Variants in LGR6 observed in about 807,000 individuals in gnomAD.
LGR6 encodes the protein leucine-rich repeat-containing G protein-coupled receptor 6.
LGR6 carries 45 observed loss-of-function variants against 69.4 expected under a neutral mutation model. The ratio of observed to expected loss-of-function variants is 0.65; its 90% CI spans 0.51 to 0.83. LGR6 has a LOEUF of 0.83. Among genes scored for constraint, LGR6 ranks in the 40% least tolerant of loss-of-function variants. The probability of loss-of-function intolerance (pLI) is 0.00; values close to 1 mark genes in which losing one functional copy is unlikely to be tolerated. For missense variants in LGR6, 1,108 were observed against 1,246.7 expected, an observed-to-expected ratio of 0.89 and a Z score of 1.68; for synonymous variants, 538 against 555.0, an observed-to-expected ratio of 0.97 and a Z score of 0.43.
chr1:202,205,101 TCCAAACAAACACACAC>T, intron 1 of LGR6, among the ~76,000 whole-genome samples: 1 of 29,360 alleles, frequency 3.4e-5, no homozygotes, highest in Non-Finnish European at 6.2e-5. Flanking sequence ...CACACGTACC[TCCAAACAAACACACAC>T]CTAACACACC....
chr1:202,287,820 C>T (rs1487176011), intron 6 of LGR6, among the ~76,000 whole-genome samples: 2 of 152,224 alleles, frequency 1.3e-5, no homozygotes, highest in Non-Finnish European at 2.9e-5. Flanking sequence ...CACGATGCTC[C>T]AAGCCGCCAT....
intron 1 of LGR6, among the ~76,000 whole-genome samples, chr1:202,211,395 C>A (rs953330854): frequency 2.0e-5 from 3 of 152,198 alleles, no homozygotes; most frequent in Admixed American, 6.5e-5. Context: ...ACTCTGTTAC[C>A]GAGGCTGGAG....
chr1:202,199,157 G>T (rs1431771434), intron 1 of LGR6, among the ~76,000 whole-genome samples: 2 of 152,102 alleles, frequency 1.3e-5, no homozygotes, highest in African/African-American at 2.4e-5. Context: ...CCTGGTGTGG[G>T]ACAGAGAAAG....
At chr1:202,269,881 C>T (rs1378410598) in intron 4 of LGR6, among the ~76,000 whole-genome samples, 1 of 152,196 alleles carries the variant, frequency 6.6e-6, no homozygotes, top group Admixed American at 6.5e-5. Flanking sequence ...GGTACTATGG[C>T]AAAGCCCTGA....
rs554973762 is a variant in LGR6 at position 202,196,258 on chromosome 1, A to G, written c.212+2057A>G. 1.4e-4 allele frequency among the ~76,000 whole-genome samples: 21 copies of G among 152,126 alleles called. No individual in the cohort carries two copies. The East Asian group carries it at 3.9e-3, about 28-fold the overall frequency. The stretch of plus-strand genomic sequence containing the variant: ...TCTGGATGGTGCATGAAGGATTCCT[A>G]CAGTTGTCCTGAGGGTGTCTCAGAG... On this transcript the variant is annotated intron_variant, in intron 1 of 17. Transcript: ENST00000367278.
chr1:202,258,061 T>C (rs1443840823), intron 4 of LGR6, among the ~76,000 whole-genome samples: 1 of 152,120 alleles, frequency 6.6e-6, no homozygotes, highest in East Asian at 1.9e-4. Context: ...TATTTTGTTC[T>C]TATTGATGCT....
intron 1 of LGR6, among the ~76,000 whole-genome samples, chr1:202,198,281 T>C (rs774525034): frequency 3.9e-5 from 6 of 152,234 alleles, no homozygotes; most frequent in Non-Finnish European, 8.8e-5. Flanking sequence ...AAGCTATCAC[T>C]TACTAACTAT....
At chr1:202,300,658 A>G (rs914973912) in intron 7 of LGR6, among the ~76,000 whole-genome samples, 191 bp from the exon 8 acceptor site, 1 of 136,014 alleles carries the variant, frequency 7.4e-6, no homozygotes, top group African/African-American at 2.7e-5. Context: ...CCTGTCTCAG[A>G]AAAAAAAAAA....
rs554467364 is a variant in LGR6 at position 202,213,669 on chromosome 1, A to G, written c.213-11754A>G. Reference sequence around the variant, plus strand: ...GGTGAGGAGAGGGATGTCCACTGACATTCATGCTACACCCATGGGTTCTCC... The same window carrying G: ...GGTGAGGAGAGGGATGTCCACTGACGTTCATGCTACACCCATGGGTTCTCC... On this transcript the variant is annotated intron_variant, in intron 1 of 17. Transcript: ENST00000367278. Among the ~76,000 whole-genome samples the G allele has an allele frequency of 3.6e-4, 55 of 152,336 alleles. No homozygotes were observed. In the South Asian group the frequency reaches 0.011, roughly 32 times the overall value.
intron 3 of LGR6, among the ~76,000 whole-genome samples, chr1:202,233,217 T>C (rs1661236368): frequency 6.6e-6 from 1 of 152,086 alleles, no homozygotes; most frequent in Non-Finnish European, 1.5e-5. Context: ...TTAAAGATCT[T>C]TCTAGTTATC....
chr1:202,274,290 T>C (rs1027400711), intron 4 of LGR6, among the ~76,000 whole-genome samples: 4 of 152,202 alleles, frequency 2.6e-5, no homozygotes, highest in Admixed American at 6.5e-5. Flanking sequence ...TTGAGTGCCA[T>C]CTGCAAACTA....
Position 202,218,322 on chromosome 1 carries a change from A to G in LGR6, c.213-7101A>G, listed in dbSNP as rs189525274. 1.6e-3 allele frequency among the ~76,000 whole-genome samples: 245 copies of G among 152,232 alleles called. 2 individuals are homozygous for G. The highest frequency in any genetic ancestry group is 5.8e-3 in the African/African-American group (242 of 41,514). On this transcript the variant is annotated intron_variant, in intron 1 of 17. Transcript: ENST00000367278. ...CATTTAAAATTTTCTTTTAAGAGAG[A>G]AAGTCTCAGTCTGTTGTCCAGCCTG...
chr1:202,204,674 TCC>T (rs1380184374), intron 1 of LGR6, among the ~76,000 whole-genome samples: 14 of 4,014 alleles, frequency 3.5e-3, no homozygotes, highest in East Asian at 0.011. Flanking sequence ...CACACACGCC[TCC>T]AAACACACAC....
rs778556262 is a variant in LGR6, at chr1:202,319,043, G to A, written c.2740G>A (p.Gly914Ser). The A allele has an allele frequency of 1.9e-5, 30 of 1,614,062 alleles. No homozygotes were observed. The highest frequency in any genetic ancestry group is 2.4e-5 in the Non-Finnish European group (28 of 1,180,024). ...GCAGCCAGGGGCCCCCAGGCTGGAG[G>A]GCAGCCATTGTGTAGAGCCAGAGGG... ...CQQPGAPRLE[G>S]SHCVEPEGNH... Residue 914 changes from glycine (G) to serine (S), a missense_variant, in exon 18 of 18, where the codon GGC (glycine) becomes AGC (serine). Coordinates refer to ENST00000367278, the MANE Select transcript of LGR6 (RefSeq NM_001017403.2).
intron 3 of LGR6, among the ~76,000 whole-genome samples, chr1:202,230,357 G>A (rs1035336157): frequency 4.7e-5 from 7 of 150,486 alleles, no homozygotes; most frequent in African/African-American, 1.7e-4. Context: ...GCTCTGGCCA[G>A]GCTCAGATCA....
At chr1:202,311,935 T>G (rs1455754532) in intron 16 of LGR6, among the ~76,000 whole-genome samples, 1 of 152,180 alleles carries the variant, frequency 6.6e-6, no homozygotes, top group Non-Finnish European at 1.5e-5. Context: ...GAGGACCCGA[T>G]GAGGAGCAGC....
At chr1:202,204,488 T>C (rs867240770) in intron 1 of LGR6, among the ~76,000 whole-genome samples, 70 of 4,556 alleles carry the variant, frequency 0.015, no homozygotes, top group East Asian at 0.024. Flanking sequence ...CAAACACACC[T>C]CCACACACAC....
At chr1:202,294,241 T>C (rs1666990496) in intron 6 of LGR6, among the ~76,000 whole-genome samples, 1 of 152,250 alleles carries the variant, frequency 6.6e-6, no homozygotes, top group Non-Finnish European at 1.5e-5. Context: ...AAACAATGTT[T>C]CTATTTTCAA....
chr1:202,260,524 G>C (rs565639981), intron 4 of LGR6, among the ~76,000 whole-genome samples: 1 of 152,128 alleles, frequency 6.6e-6, no homozygotes, highest in East Asian at 1.9e-4. Context: ...AGTAGAGAAA[G>C]GGTTTCACCA....
Sources: gnomAD v4.1 joint callset for allele counts (sites outside exome capture counted in the v4.1 genomes callset) on GRCh38, gnomAD v4.1.1 for gene constraint, MANE v1.5 for transcripts, NCBI Gene and HGNC (gene_info 2026-07-23, HGNC 2026-07-21) for gene names.